The following AKAP6 variants were observed in gnomAD, a reference collection of about 807,000 sequenced individuals.
The protein encoded by AKAP6 is A-kinase anchor protein 6.
A neutral mutation model predicts 188.5 loss-of-function variants in AKAP6; 58 were observed. The ratio of observed to expected loss-of-function variants is 0.31; its 90% CI spans 0.25 to 0.38. AKAP6 has a LOEUF of 0.38. Among genes scored for constraint, AKAP6 ranks in the 10% least tolerant of loss-of-function variants. The pLI is 1.00. For synonymous variants in AKAP6, 989 were observed against 998.6 expected (o/e 0.99, Z 0.18); for missense variants, 2,710 against 2,740.0 (o/e 0.99, Z 0.24).
At chr14:32,795,577 A>G (rs1159782098) in intron 12 of AKAP6, among the ~76,000 whole-genome samples, 1 of 152,240 alleles carries the variant, frequency 6.6e-6, no homozygotes, top group Non-Finnish European at 1.5e-5. Flanking sequence ...AAAGCCTTTG[A>G]TAAAATCCAG....
chr14:32,727,492 C>A (rs912946457), intron 9 of AKAP6, among the ~76,000 whole-genome samples: 1 of 152,050 alleles, frequency 6.6e-6, no homozygotes, highest in Non-Finnish European at 1.5e-5. Flanking sequence ...AGGGAATTTG[C>A]AATTCATTTT....
intron 1 of AKAP6, among the ~76,000 whole-genome samples, chr14:32,399,634 C>T (rs1889013732): frequency 6.6e-6 from 1 of 152,156 alleles, no homozygotes; most frequent in South Asian, 2.1e-4. Context: ...CTCAGGTTCT[C>T]TGACAACTTC....
At chr14:32,437,976 T>C (rs1890443616) in intron 2 of AKAP6, among the ~76,000 whole-genome samples, 1 of 152,114 alleles carries the variant, frequency 6.6e-6, no homozygotes, top group Non-Finnish European at 1.5e-5. Flanking sequence ...AGCTGTCAAG[T>C]TTTCTATTGT....
At chr14:32,805,876 A>G (rs2140101993) in intron 12 of AKAP6, among the ~76,000 whole-genome samples, 1 of 152,322 alleles carries the variant, frequency 6.6e-6, no homozygotes, top group African/African-American at 2.4e-5. Context: ...ACCAATATTG[A>G]AAAAGCTAAT....
At chr14:32,665,537 G>A (rs1180683209) in intron 7 of AKAP6, among the ~76,000 whole-genome samples, 1 of 152,128 alleles carries the variant, frequency 6.6e-6, no homozygotes, top group Non-Finnish European at 1.5e-5. Flanking sequence ...CATGTGTTCA[G>A]CTATCTGGAA....
intron 9 of AKAP6, among the ~76,000 whole-genome samples, chr14:32,697,908 T>C (rs1890467516): frequency 6.6e-6 from 1 of 152,186 alleles, no homozygotes; most frequent in Non-Finnish European, 1.5e-5. Context: ...TTATAGTATT[T>C]TTCCAAACAT....
intron 11 of AKAP6, among the ~76,000 whole-genome samples, chr14:32,772,789 A>C (rs932573379): frequency 7.9e-5 from 12 of 152,244 alleles, no homozygotes. Flanking sequence ...CTGTTAGAAC[A>C]GTCCAATTGT....
In AKAP6 at chr14:32,515,622, G is replaced by C. The variant is rs10132525; in HGVS notation, c.325-19932G>C. 9.5e-3 allele frequency among the ~76,000 whole-genome samples: 1,445 copies of C among 152,174 alleles called. 24 individuals are homozygous for C. The highest frequency in any genetic ancestry group is 0.03 in the African/African-American group (1,251 of 41,510). On this transcript the variant is annotated intron_variant, in intron 2 of 13. Transcript: ENST00000280979. The stretch of plus-strand genomic sequence containing the variant: ...CATCTAGCACTGTCTTTATAGATGA[G>C]GAAACTGAGGCTCAGCAATCTATGG...
At chr14:32,611,569 A>G (rs1414807079) in intron 7 of AKAP6, among the ~76,000 whole-genome samples, 1 of 152,202 alleles carries the variant, frequency 6.6e-6, no homozygotes, top group African/African-American at 2.4e-5. Context: ...CTATTGTGTG[A>G]GAATAAAGTA....
intron 9 of AKAP6, among the ~76,000 whole-genome samples, chr14:32,699,871 T>C (rs1016182398): frequency 1.3e-5 from 2 of 152,250 alleles, no homozygotes; most frequent in East Asian, 3.8e-4. Context: ...ACCACTATGA[T>C]TTTGAAAGTT....
At chr14:32,703,906 A>G (rs1252195848) in intron 9 of AKAP6, among the ~76,000 whole-genome samples, 4 of 152,184 alleles carry the variant, frequency 2.6e-5, no homozygotes, top group Admixed American at 2.0e-4. Flanking sequence ...TGCTCACTAA[A>G]TATGTGCTGA....
rs549857233 is a variant in AKAP6 at position 32,519,036 on chromosome 14, A to G, written c.325-16518A>G. Among the ~76,000 whole-genome samples, 6 of 152,266 alleles carry G rather than the reference A, an allele frequency of 3.9e-5. No individual in the cohort carries two copies. In the East Asian group the frequency reaches 1.2e-3, roughly 29 times the overall value. ...ACAAGCCAGAAGAGAGTGGGAGCCA[A>G]TATTCAACATCTTAAAGAAAAGAAT... On this transcript the variant is annotated intron_variant, in intron 2 of 13. Transcript: ENST00000280979.
At chr14:32,809,686 A>T (rs1023490962) in intron 12 of AKAP6, among the ~76,000 whole-genome samples, 1 of 152,182 alleles carries the variant, frequency 6.6e-6, no homozygotes, top group African/African-American at 2.4e-5. Flanking sequence ...GAAAATGATT[A>T]ATTTGGTGGG....
intron 7 of AKAP6, among the ~76,000 whole-genome samples, chr14:32,666,906 A>G (rs1888966316): frequency 6.6e-6 from 1 of 152,274 alleles, no homozygotes. Flanking sequence ...CTAGCCTTAC[A>G]CAGGAATCAT....
chr14:32,397,930 T>G (rs1440545244), intron 1 of AKAP6, among the ~76,000 whole-genome samples: 1 of 152,216 alleles, frequency 6.6e-6, no homozygotes, highest in Non-Finnish European at 1.5e-5. Flanking sequence ...CACCTGTCTC[T>G]TTTTACTTTT....
Position 32,482,455 on chromosome 14 carries a change from C to T in AKAP6, c.324+48638C>T, listed in dbSNP as rs534311073. On this transcript the variant is annotated intron_variant, in intron 2 of 13. Transcript: ENST00000280979. The stretch of plus-strand genomic sequence containing the variant: ...CTCAACCTTCATTTCCTTTAGGTCT[C>T]AATTCAAATGTCACTTGTCAGAGAT... Among the ~76,000 whole-genome samples the T allele has an allele frequency of 4.6e-5, 7 of 152,314 alleles. No homozygotes were observed. The South Asian group carries it at 1.5e-3, about 32-fold the overall frequency.
chr14:32,479,781 C>CAAG (rs5807662), intron 2 of AKAP6, among the ~76,000 whole-genome samples: 40,687 of 151,912 alleles, frequency 0.27, 5,883 homozygotes, highest in Non-Finnish European at 0.31. Flanking sequence ...CATGAGGACA[C>CAAG]AAGAAGACAC....
chr14:32,446,917 G>A (rs1890773621), intron 2 of AKAP6, among the ~76,000 whole-genome samples: 1 of 152,024 alleles, frequency 6.6e-6, no homozygotes, highest in African/African-American at 2.4e-5. Flanking sequence ...TAAATTATTT[G>A]TTTGTGGTCT....
At chr14:32,525,432 A>G (rs537364809) in intron 2 of AKAP6, among the ~76,000 whole-genome samples, 1 of 152,324 alleles carries the variant, frequency 6.6e-6, no homozygotes, top group South Asian at 2.1e-4. Flanking sequence ...CAGAACTTCT[A>G]ATTGGTCCTT....
Sources: allele counts gnomAD v4.1 joint callset (sites outside exome capture counted in the v4.1 genomes callset), GRCh38; gene constraint gnomAD v4.1.1; transcripts MANE v1.5; gene names NCBI Gene and HGNC (gene_info 2026-07-23, HGNC 2026-07-21).